HMGXB3: variants seen among roughly 807,000 people sequenced by gnomAD.
HMGXB3 encodes HMG-box containing 3, also known as HMG domain-containing protein 3.
Under a neutral mutation model 121.5 loss-of-function variants are expected in HMGXB3, and 45 were observed. The ratio of observed to expected loss-of-function variants is 0.37; its 90% CI spans 0.29 to 0.47. The LOEUF is 0.47. Among genes scored for constraint, HMGXB3 ranks in the 20% least tolerant of loss-of-function variants. HMGXB3 has a pLI of 0.99. For missense variants in HMGXB3, 1,376 were observed against 1,602.2 expected (o/e 0.86, Z 2.41); for synonymous variants, 590 against 624.1 (o/e 0.95, Z 0.81).
intron 18 of HMGXB3, among the ~76,000 whole-genome samples, chr5:150,049,625 C>G (rs1756844650): frequency 6.6e-6 from 1 of 152,194 alleles, no homozygotes; most frequent in Non-Finnish European, 1.5e-5. Flanking sequence ...GGGATCATCT[C>G]ATGAGAAGCA....
chr5:150,038,396 A>G (rs775201619), intron 13 of HMGXB3, among the ~76,000 whole-genome samples: 3 of 152,218 alleles, frequency 2.0e-5, no homozygotes, highest in Non-Finnish European at 2.9e-5. Context: ...AAAAGTGCCT[A>G]TTACCCTGTT....
rs192482516 is a variant in HMGXB3 at position 150,047,024 on chromosome 5, A to G, written c.2951-600A>G. On this transcript the variant is annotated intron_variant, in intron 16 of 19. Transcript: ENST00000502717. Reference sequence around the variant, plus strand: ...CTCAGCCTCCCAAGTTGCTGAGACTATAGGCGCACGCCACCACACCACCAC... The same window carrying G: ...CTCAGCCTCCCAAGTTGCTGAGACTGTAGGCGCACGCCACCACACCACCAC... Among the ~76,000 whole-genome samples, 473 of 150,438 alleles carry G rather than the reference A, an allele frequency of 3.1e-3. 1 individual carries two copies. Among genetic ancestry groups the G allele is most frequent in the African/African-American group, 9.8e-3 (401 of 41,088 alleles).
At chr5:150,016,946 A>G (rs983023458) in intron 5 of HMGXB3, among the ~76,000 whole-genome samples, 2 of 152,192 alleles carry the variant, frequency 1.3e-5, no homozygotes, top group African/African-American at 2.4e-5. Flanking sequence ...ATCTTCAGAG[A>G]TCTCTACTGA....
intron 3 of HMGXB3, among the ~76,000 whole-genome samples, chr5:150,008,673 G>T (rs895204796): frequency 1.3e-5 from 2 of 152,196 alleles, no homozygotes; most frequent in Admixed American, 6.5e-5. Flanking sequence ...CCAAGTGCAG[G>T]CTCCAGTGAT....
chr5:150,021,953 C>T (rs1756105192), intron 6 of HMGXB3: 1 of 455,290 alleles, frequency 2.2e-6, no homozygotes, highest in Non-Finnish European at 4.4e-6. Flanking sequence ...CGACTTGTTC[C>T]TTGGCGAGAG....
chr5:150,032,602 T>C lies in HMGXB3; in HGVS notation c.1982T>C (p.Ile661Thr), dbSNP rs1443522255. The C allele has an allele frequency of 1.3e-6, 2 of 1,552,172 alleles. No individual in the cohort carries two copies. The highest frequency in any genetic ancestry group is 2.7e-5 in the African/African-American group (2 of 73,034). Residue 661 changes from isoleucine (I) to threonine (T), a missense_variant and splice_region_variant, in exon 11 of 20, where the codon ATC becomes ACC. Ile to Thr is a moderately conservative substitution (Grantham distance 89). Transcript: ENST00000502717. ...CGGACTGAGAAAACCACCAAGGCTA[T>C]CGTGAGTTCCTTCCCCCAAACACAT... ...KDRTEKTTKA[I>T]EVSSPLPDVL... is the part of the protein sequence containing the mutation.
At chr5:150,006,074 G>A (rs998652834) in intron 2 of HMGXB3, among the ~76,000 whole-genome samples, 1 of 152,096 alleles carries the variant, frequency 6.6e-6, no homozygotes, top group African/African-American at 2.4e-5. Context: ...AGTTACTCCT[G>A]ACTGTAATAT....
intron 5 of HMGXB3, among the ~76,000 whole-genome samples, chr5:150,017,678 G>C (rs1755988997): frequency 6.6e-6 from 1 of 152,212 alleles, no homozygotes; most frequent in African/African-American, 2.4e-5. Flanking sequence ...TGGTAGTTTG[G>C]TGTTTCCCCA....
intron 7 of HMGXB3, among the ~76,000 whole-genome samples, chr5:150,025,976 A>G (rs1237100870): frequency 4.0e-5 from 6 of 151,828 alleles, no homozygotes; most frequent in East Asian, 3.9e-4. Context: ...GACTGCAGGC[A>G]CCTGCCACCA....
intron 9 of HMGXB3, among the ~76,000 whole-genome samples, chr5:150,028,600 T>A (rs1756302334): frequency 6.9e-6 from 1 of 145,220 alleles, no homozygotes; most frequent in Non-Finnish European, 1.5e-5. Context: ...AAGGTCTTGC[T>A]TTGTTGCCCA....
Position 150,047,729 on chromosome 5 carries a change from G to C in HMGXB3, c.3056G>C (p.Gly1019Ala), listed in dbSNP as rs1419717917. Residue 1019 changes from glycine (G) to alanine (A), a missense_variant, in exon 17 of 20, where the codon GGA becomes GCA. Physicochemically the swap from Gly to Ala is moderately conservative, Grantham distance 60. Transcript: ENST00000502717. ...CTGCAGCACCTGCTAAGGCAGTGTG[G>C]AATCCCCTTTGGGGCAGAAGACTCC... ...EKLQHLLRQC[G>A]IPFGAEDSKD... is the part of the protein sequence containing the mutation. 1 of 1,551,780 alleles carries C rather than the reference G, an allele frequency of 6.4e-7. No homozygotes were observed. Among genetic ancestry groups the C allele is most frequent in the South Asian group, 1.2e-5 (1 of 84,064 alleles).
intron 1 of HMGXB3, among the ~76,000 whole-genome samples, chr5:150,003,802 A>G (rs1755632779): frequency 6.6e-6 from 1 of 151,870 alleles, no homozygotes; most frequent in African/African-American, 2.4e-5. Context: ...TATCTCTCCA[A>G]AAAATTAGCC....
At position 150,026,766 on chromosome 5, in the gene HMGXB3, G is replaced by A. The variant is rs1415661015; in HGVS notation, c.1521G>A (p.Lys507=). 2 of 1,551,152 alleles carry A rather than the reference G, an allele frequency of 1.3e-6. No individual in the cohort carries two copies. Among genetic ancestry groups the A allele is most frequent in the Non-Finnish European group, 1.7e-6 (2 of 1,146,872 alleles). Residue 507 remains lysine (K), a synonymous_variant, in exon 8 of 20, where the codon AAG becomes AAA. Coordinates refer to ENST00000502717, the MANE Select transcript of HMGXB3 (RefSeq NM_014983.3). ...AGCTTAAAGGCAGAGCACGGGGCAAGCCCTCATTACTGGCTGCAGCAAGAC... is the reference window on the plus strand; with the variant it reads ...AGCTTAAAGGCAGAGCACGGGGCAAACCCTCATTACTGGCTGCAGCAAGAC... The part of the protein sequence containing the change: ...APELKGRARG[K]PSLLAAARPM...
chr5:150,036,982 G>T, intron 12 of HMGXB3, 45 bp downstream of exon 12: 1 of 1,427,292 alleles, frequency 7.0e-7, no homozygotes, highest in Non-Finnish European at 9.4e-7. Flanking sequence ...ATCCCATTTG[G>T]CTCATACTGC....
rs1756509548 is a variant in HMGXB3, at chr5:150,036,785, C to T, written c.2133C>T (p.Ala711=). Residue 711 remains alanine, a synonymous_variant, in exon 12 of 20, where the codon GCC becomes GCT. Transcript: ENST00000502717. ...AGTCAGAGCTGGCTGAGGTCTTCGCCTTGATTCATGAACTCAACAGCTCTC... is the reference window on the plus strand; with the variant it reads ...AGTCAGAGCTGGCTGAGGTCTTCGCTTTGATTCATGAACTCAACAGCTCTC... ...ENESELAEVF[A]LIHELNSSRL... The T allele has an allele frequency of 3.9e-6, 6 of 1,551,744 alleles. No homozygotes were observed. Among genetic ancestry groups the T allele is most frequent in the Non-Finnish European group, 5.2e-6 (6 of 1,147,008 alleles).
chr5:150,029,709 G>A (rs1207739690), intron 9 of HMGXB3, among the ~76,000 whole-genome samples: 1 of 152,184 alleles, frequency 6.6e-6, no homozygotes, highest in African/African-American at 2.4e-5. Flanking sequence ...GTTGGAATAG[G>A]AAAACGGGTC....
chr5:150,034,450 T>C (rs1281775869), intron 11 of HMGXB3, among the ~76,000 whole-genome samples: 1 of 152,092 alleles, frequency 6.6e-6, no homozygotes, highest in Non-Finnish European at 1.5e-5. Flanking sequence ...TTTTAGCTAT[T>C]TGCGCGGTTT....
intron 7 of HMGXB3, among the ~76,000 whole-genome samples, chr5:150,026,187 A>G (rs947850391): frequency 6.6e-6 from 1 of 152,156 alleles, no homozygotes; most frequent in Non-Finnish European, 1.5e-5. Context: ...ATGGTTTTGT[A>G]TATTTAAAGG....
At chr5:150,013,482 A>C (rs374234671) in intron 5 of HMGXB3, among the ~76,000 whole-genome samples, 18 of 152,332 alleles carry the variant, frequency 1.2e-4, no homozygotes, top group East Asian at 1.2e-3. Context: ...TTTGCTAAAA[A>C]GTTTGCTCAG....
Sources: gnomAD v4.1 joint callset for allele counts (sites outside exome capture counted in the v4.1 genomes callset) on GRCh38, gnomAD v4.1.1 for gene constraint, MANE v1.5 for transcripts, NCBI Gene and HGNC (gene_info 2026-07-23, HGNC 2026-07-21) for gene names.